SLC4A10: variants seen among roughly 807,000 people sequenced by gnomAD.
The protein encoded by SLC4A10 is solute carrier family 4 member 10.
In SLC4A10, 42 loss-of-function variants were observed where a neutral mutation model predicts 137.7. The ratio of observed to expected loss-of-function variants is 0.30; its 90% CI spans 0.24 to 0.39. The LOEUF is 0.39. Among genes scored for constraint, SLC4A10 ranks in the 10% least tolerant of loss-of-function variants. The probability of loss-of-function intolerance (pLI) is 1.00; values close to 1 mark genes in which losing one functional copy is unlikely to be tolerated. For missense variants in SLC4A10, 925 were observed against 1,355.0 expected (o/e 0.68, Z 4.98); for synonymous variants, 474 against 464.1 (o/e 1.02, Z -0.27).
intron 1 of SLC4A10, among the ~76,000 whole-genome samples, chr2:161,699,455 T>C (rs1228883221): frequency 6.6e-6 from 1 of 152,244 alleles, no homozygotes; most frequent in Admixed American, 6.5e-5. Context: ...CATAGAAAGG[T>C]AATTTTAATG....
At position 161,770,933 on chromosome 2, in the gene SLC4A10, T is replaced by C. The variant is rs776208923; in HGVS notation, c.49-40T>C. On this transcript the variant is annotated intron_variant, in intron 1 of 26. Transcript: ENST00000446997. Reference sequence around the variant, plus strand: ...TTTGTTTTTTGAAATTGAGATAATATGTGTGTTATCATTTAATCTTCCTTA... The same window carrying C: ...TTTGTTTTTTGAAATTGAGATAATACGTGTGTTATCATTTAATCTTCCTTA... 4.3e-6 allele frequency: 6 copies of C among 1,400,266 alleles called. No individual in the cohort carries two copies. In the Admixed American group the frequency reaches 1.1e-4, roughly 27 times the overall value. The allele number at this position is 1,400,266 out of a possible 1,614,324, so 86.7% of individuals were successfully genotyped here.
chr2:161,724,051 C>T lies in SLC4A10; in HGVS notation c.49-46922C>T, dbSNP rs186961537. Among the ~76,000 whole-genome samples the T allele has an allele frequency of 1.6e-3, 239 of 152,288 alleles. 1 individual carries two copies. Among genetic ancestry groups the T allele is most frequent in the Non-Finnish European group, 2.3e-3 (157 of 68,020 alleles). On this transcript the variant is annotated intron_variant, in intron 1 of 26. Transcript: ENST00000446997. Reference sequence around the variant, plus strand: ...TGACAATCATCCTCAACTTCCTTATCGCAACCTCAAAACCAATTAATCAGC... The same window carrying T: ...TGACAATCATCCTCAACTTCCTTATTGCAACCTCAAAACCAATTAATCAGC...
intron 1 of SLC4A10, among the ~76,000 whole-genome samples, chr2:161,747,281 T>C (rs1183832410): frequency 1.3e-5 from 2 of 152,164 alleles, no homozygotes; most frequent in Non-Finnish European, 2.9e-5. Context: ...GGTCTAAATG[T>C]TCTCTCTGTG....
intron 2 of SLC4A10, among the ~76,000 whole-genome samples, chr2:161,789,020 G>A (rs2125520997): frequency 6.6e-6 from 1 of 152,340 alleles, no homozygotes; most frequent in Middle Eastern, 3.4e-3. Flanking sequence ...GGGGTTCTGA[G>A]GTATGTTTGC....
chr2:161,818,656 A>T (rs1324273481), intron 3 of SLC4A10, among the ~76,000 whole-genome samples: 1 of 152,196 alleles, frequency 6.6e-6, no homozygotes, highest in Non-Finnish European at 1.5e-5. Flanking sequence ...CATCCCATCA[A>T]TACCTAATTT....
chr2:161,960,374 A>G (rs1182190248), intron 21 of SLC4A10, among the ~76,000 whole-genome samples: 1 of 141,766 alleles, frequency 7.1e-6, no homozygotes, highest in African/African-American at 2.8e-5. Flanking sequence ...AAAAAAAAAA[A>G]AAAAAAAAAA....
chr2:161,753,209 C>T (rs2049186251), intron 1 of SLC4A10, among the ~76,000 whole-genome samples: 1 of 152,090 alleles, frequency 6.6e-6, no homozygotes, highest in Non-Finnish European at 1.5e-5. Context: ...TATACTCTCT[C>T]TTTTCAGCTT....
intron 1 of SLC4A10, among the ~76,000 whole-genome samples, chr2:161,766,662 CA>C (rs1383352520): frequency 6.6e-6 from 1 of 151,848 alleles, no homozygotes; most frequent in Admixed American, 6.6e-5. Context: ...GTAAATATAT[CA>C]ATAACAGAGT....
At chr2:161,901,095 A>G in intron 12 of SLC4A10, 84 bp downstream of exon 12, 1 of 998,280 alleles carries the variant, frequency 1.0e-6, no homozygotes, top group African/African-American at 1.6e-5. Flanking sequence ...TTTGGGATCT[A>G]ATTTATTGTA....
At chr2:161,650,569 C>A (rs1281296632) in intron 1 of SLC4A10, among the ~76,000 whole-genome samples, 1 of 152,136 alleles carries the variant, frequency 6.6e-6, no homozygotes, top group African/African-American at 2.4e-5. Flanking sequence ...GGCATCCCGG[C>A]ACTCTCGGGG....
chr2:161,928,497 A>C (rs894148391), intron 15 of SLC4A10, among the ~76,000 whole-genome samples: 3 of 151,436 alleles, frequency 2.0e-5, no homozygotes, highest in Non-Finnish European at 4.4e-5. Flanking sequence ...CATTGTGTAC[A>C]TGTACCCTAA....
At chr2:161,626,083 A>G (rs1420087070) in intron 1 of SLC4A10, among the ~76,000 whole-genome samples, 1 of 151,874 alleles carries the variant, frequency 6.6e-6, no homozygotes, top group Non-Finnish European at 1.5e-5. Context: ...ATACCAGGGA[A>G]CTCTTCTTCC....
intron 1 of SLC4A10, among the ~76,000 whole-genome samples, chr2:161,670,932 A>G (rs748868205): frequency 3.3e-5 from 5 of 152,196 alleles, no homozygotes; most frequent in Non-Finnish European, 5.9e-5. Context: ...AGCCACATGT[A>G]TGCTCCTCCT....
In SLC4A10 at chr2:161,905,853, A is replaced by G. The variant is rs747149436; in HGVS notation, c.1963A>G (p.Met655Val). The change falls in exon 15 of 27, where the codon ATG becomes GTG. Residue 655 changes from methionine to valine, a missense_variant. Physicochemically the swap from Met to Val is conservative, Grantham distance 21. Coordinates refer to ENST00000446997, the MANE Select transcript of SLC4A10 (RefSeq NM_001178015.2). Reference sequence around the variant, plus strand: ...ACTCAGTGAAGCATATCCAATCAACATGCATAATGATCTGGAACTGCTGAC... The same window carrying G: ...ACTCAGTGAAGCATATCCAATCAACGTGCATAATGATCTGGAACTGCTGAC... The part of the protein sequence containing the change: ...FELSEAYPIN[M>V]HNDLELLTQY... The G allele has an allele frequency of 5.6e-6, 9 of 1,613,478 alleles. No individual in the cohort carries two copies. The East Asian group carries it at 1.3e-4, about 24-fold the overall frequency.
At chr2:161,898,671 G>A (rs868813590) in intron 11 of SLC4A10, among the ~76,000 whole-genome samples, 5 of 152,184 alleles carry the variant, frequency 3.3e-5, no homozygotes, top group Middle Eastern at 6.8e-3. Flanking sequence ...CTTTGCATCA[G>A]TCATTAAAAT....
chr2:161,961,781 G>A (rs1696770421), intron 21 of SLC4A10, among the ~76,000 whole-genome samples: 1 of 152,004 alleles, frequency 6.6e-6, no homozygotes, highest in Non-Finnish European at 1.5e-5. Flanking sequence ...AATTATTTGG[G>A]GTGTGAATCT....
At chr2:161,951,620 G>T (rs542169890) in intron 19 of SLC4A10, among the ~76,000 whole-genome samples, 1 of 152,072 alleles carries the variant, frequency 6.6e-6, no homozygotes, top group East Asian at 1.9e-4. Context: ...TTTTGGTATC[G>T]TGGGGTAGTT....
intron 1 of SLC4A10, among the ~76,000 whole-genome samples, chr2:161,646,732 A>T (rs1318208529): frequency 2.6e-5 from 4 of 152,008 alleles, no homozygotes; most frequent in African/African-American, 9.7e-5. Flanking sequence ...CTAGAAAATT[A>T]TTTCTTCCTT....
In SLC4A10 at chr2:161,682,943, T is replaced by C. The variant is rs566127205; in HGVS notation, c.48+58377T>C. 4.6e-5 allele frequency among the ~76,000 whole-genome samples: 7 copies of C among 152,074 alleles called. No homozygotes were observed. In the South Asian group the frequency reaches 1.2e-3, roughly 27 times the overall value. ...ATAATGAATTTGTAATATATAAATA[T>C]CATAAAATGTATATGCAATATATAA... On this transcript the variant is annotated intron_variant, in intron 1 of 26. Transcript: ENST00000446997.
Sources: gnomAD v4.1 joint callset for allele counts (sites outside exome capture counted in the v4.1 genomes callset) on GRCh38, gnomAD v4.1.1 for gene constraint, MANE v1.5 for transcripts, NCBI Gene and HGNC (gene_info 2026-07-23, HGNC 2026-07-21) for gene names.